Variants in SPTBN5 observed in about 807,000 individuals in gnomAD.
The protein encoded by SPTBN5 is spectrin beta, non-erythrocytic 5.
A neutral mutation model predicts 477.6 loss-of-function variants in SPTBN5; 513 were observed. The observed-to-expected ratio is 1.07, with a 90% CI of 1.00 to 1.16. The LOEUF (loss-of-function observed/expected upper bound fraction) is 1.16, where lower values mean the gene tolerates loss of function less well. SPTBN5 is among the 50% of genes most tolerant of loss of function. The pLI is 0.00. For synonymous variants in SPTBN5, 2,169 were observed against 2,011.7 expected, an observed-to-expected ratio of 1.08 and a Z score of -2.09; for missense variants, 5,062 against 4,731.8, an observed-to-expected ratio of 1.07 and a Z score of -2.05.
In SPTBN5 at chr15:41,861,935, C is replaced by T. The variant is rs1595458880; in HGVS notation, c.7549-12G>A. On this transcript the variant is annotated splice_polypyrimidine_tract_variant and intron_variant, in intron 44 of 67. Coordinates refer to ENST00000320955, the MANE Select transcript of SPTBN5 (RefSeq NM_016642.4). Reference sequence around the variant, plus strand: ...GAGTCCAGCTCGGCCTGGAACAGGACTGGGCTCAGATCACTGGGGGCTGGA... The same window carrying T: ...GAGTCCAGCTCGGCCTGGAACAGGATTGGGCTCAGATCACTGGGGGCTGGA... 2 of 1,594,194 alleles carry T rather than the reference C, an allele frequency of 1.3e-6. No individual in the cohort carries two copies. Among genetic ancestry groups the T allele is most frequent in the African/African-American group, 2.7e-5 (2 of 74,630 alleles).
Position 41,857,043 on chromosome 15 carries a change from C to A in SPTBN5, c.8622-4G>T. ...GGGCTCCCTCAGGCTCTTGAACCTG[C>A]AGCGGTGGAGGGTGGGACCAAGGGA... On this transcript the variant is annotated splice_polypyrimidine_tract_variant and splice_region_variant and intron_variant, in intron 51 of 67. Transcript: ENST00000320955. The A allele has an allele frequency of 6.3e-7, 1 of 1,599,108 alleles. No individual in the cohort carries two copies. Among genetic ancestry groups the A allele is most frequent in the South Asian group, 1.1e-5 (1 of 88,624 alleles).
Position 41,866,189 on chromosome 15 carries a change from C to T in SPTBN5, c.6671G>A (p.Gly2224Glu), listed in dbSNP as rs1310579147. The change falls in exon 38 of 68, where the codon GGA becomes GAA. Residue 2224 changes from glycine (G) to glutamate (E), a missense_variant. Physicochemically the swap from Gly to Glu is moderately conservative, Grantham distance 98. Coordinates refer to ENST00000320955, the MANE Select transcript of SPTBN5 (RefSeq NM_016642.4). ...ALLAQSHPRAGEVSQRLQGLR... is the reference protein window; with the variant it reads ...ALLAQSHPRAEEVSQRLQGLR... ...GCCCTGCAGCCGCTGGGAGACCTCT[C>T]CGGCTCGAGGGTGACTCTGTGCCAG... The T allele has an allele frequency of 8.2e-6, 13 of 1,579,314 alleles. No individual in the cohort carries two copies. Among genetic ancestry groups the T allele is most frequent in the Non-Finnish European group, 1.1e-5 (13 of 1,164,676 alleles).
rs2066771707 is a variant in SPTBN5, at chr15:41,877,244, C to T, written c.3583G>A (p.Val1195Ile). 1 of 1,613,896 alleles carries T rather than the reference C, an allele frequency of 6.2e-7. No individual in the cohort carries two copies. The highest frequency in any genetic ancestry group is 1.7e-5 in the Admixed American group (1 of 60,004). Residue 1195 changes from valine (V) to isoleucine (I), a missense_variant, in exon 18 of 68, where the codon GTT (valine) becomes ATT (isoleucine). Transcript: ENST00000320955. ...VLGQQGQELK[V>I]LWEQRQQWLQ... ...CACTGCTGCCTCTGCTCCCACAAAA[C>T]CTTCAGCTCCTGGCCCTGCTGCCCC...
At chr15:41,889,194 C>T (rs963412814) in intron 4 of SPTBN5, among the ~76,000 whole-genome samples, 5 of 152,160 alleles carry the variant, frequency 3.3e-5, no homozygotes, top group Admixed American at 6.5e-5. Flanking sequence ...GAAATTCATC[C>T]GTCCCTTCAG....
At chr15:41,879,972 G>A (rs1353711862) in intron 14 of SPTBN5, 108 bp from the exon 15 acceptor site, 2 of 1,481,752 alleles carry the variant, frequency 1.3e-6, no homozygotes, top group Non-Finnish European at 1.8e-6. Context: ...GGATGCTCAT[G>A]CTGCCTGCCC....
At position 41,856,933 on chromosome 15, in the gene SPTBN5, G is replaced by T; in HGVS notation, c.8728C>A (p.Gln2910Lys). 1 of 1,571,024 alleles carries T rather than the reference G, an allele frequency of 6.4e-7. No homozygotes were observed. The highest frequency in any genetic ancestry group is 8.6e-7 in the Non-Finnish European group (1 of 1,158,802). Reference sequence around the variant, plus strand: ...GCAGCGGCCAGAGGCAGCTTCTCCTGCACCCAGGCCATTTCCTCGTCGGCG... The same window carrying T: ...GCAGCGGCCAGAGGCAGCTTCTCCTTCACCCAGGCCATTTCCTCGTCGGCG... ...RDADEEMAWVQEKLPLAAAQD... is the reference protein window; with the variant it reads ...RDADEEMAWVKEKLPLAAAQD... The change falls in exon 52 of 68, where the codon CAG becomes AAG. Residue 2910 changes from glutamine (Q) to lysine (K), a missense_variant. By Grantham distance (53) the Gln-to-Lys change is moderately conservative. Transcript: ENST00000320955.
intron 51 of SPTBN5, 76 bp from the exon 52 acceptor site, chr15:41,857,115 C>G: frequency 6.6e-7 from 1 of 1,522,916 alleles, no homozygotes. Context: ...TGACACAGAT[C>G]ACCCAGCTGT....
At position 41,874,980 on chromosome 15, in the gene SPTBN5, T is replaced by C. The variant is rs1185912096; in HGVS notation, c.4364A>G (p.Gln1455Arg). The C allele has an allele frequency of 6.2e-7, 1 of 1,613,588 alleles. No homozygotes were observed. The highest frequency in any genetic ancestry group is 1.3e-5 in the African/African-American group (1 of 74,938). ...SETGQDLRSS[Q>R]RLQKRHQQLE... ...CTGTTGGTGCCGTTTCTGCAGCCTC[T>C]GGCTGGAGCGCAGGTCCTGCCCTGT... is the stretch of plus-strand genomic sequence containing the variant. Residue 1455 changes from glutamine to arginine, a missense_variant, in exon 23 of 68, where the codon CAG becomes CGG. Transcript: ENST00000320955.
chr15:41,862,835 G>C lies in SPTBN5; in HGVS notation c.7218C>G (p.His2406Gln). Residue 2406 changes from histidine to glutamine, a missense_variant, in exon 42 of 68, where the codon CAC becomes CAG. Coordinates refer to ENST00000320955, the MANE Select transcript of SPTBN5 (RefSeq NM_016642.4). Reference sequence around the variant, plus strand: ...GGTGCACTTCCCGCTCCAGCTCCTCGTGTTTCCGCAGCAGCCTCTGCACGC... The same window carrying C: ...GGTGCACTTCCCGCTCCAGCTCCTCCTGTTTCCGCAGCAGCCTCTGCACGC... Reference protein sequence around the residue: ...LESVQRLLRKHEELEREVHPI... With the variant: ...LESVQRLLRKQEELEREVHPI... 3.8e-6 allele frequency: 6 copies of C among 1,589,240 alleles called. No individual in the cohort carries two copies. Among genetic ancestry groups the C allele is most frequent in the Non-Finnish European group, 5.1e-6 (6 of 1,168,828 alleles).
At chr15:41,874,068 G>A (rs766770048) in intron 24 of SPTBN5, 23 bp from the exon 25 acceptor site, 1 of 1,569,550 alleles carries the variant, frequency 6.4e-7, no homozygotes, top group Admixed American at 1.8e-5. Flanking sequence ...GGCTTGAGAG[G>A]CTGCTGCTCT....
rs774573776 is a variant in SPTBN5, at chr15:41,882,125, C to T, written c.2268G>A (p.Glu756=). The T allele has an allele frequency of 1.3e-6, 2 of 1,573,470 alleles. No homozygotes were observed. Among genetic ancestry groups the T allele is most frequent in the African/African-American group, 1.4e-5 (1 of 72,214 alleles). The change falls in exon 12 of 68, where the codon GAG becomes GAA. Residue 756 remains glutamate (E), a synonymous_variant. Transcript: ENST00000320955. The part of the protein sequence containing the change: ...LVLQYFADAA[E]AASWLRERRS... The stretch of plus-strand genomic sequence containing the variant: ...GCCGCTCGCGCAGCCACGAAGCCGC[C>T]TCCGCCGCGTCCGCGAAGTACTGTG...
chr15:41,853,471 T>G (rs2065839654), intron 58 of SPTBN5, 24 bp from the exon 59 acceptor site: 1 of 1,550,768 alleles, frequency 6.4e-7, no homozygotes, highest in Admixed American at 1.8e-5. Context: ...AAGGGAGCTG[T>G]TGTCAGGGCT....
In SPTBN5 at chr15:41,870,311, A is replaced by C; in HGVS notation, c.5605T>G (p.Cys1869Gly). 1 of 1,562,858 alleles carries C rather than the reference A, an allele frequency of 6.4e-7. No homozygotes were observed. Among genetic ancestry groups the C allele is most frequent in the Non-Finnish European group, 8.7e-7 (1 of 1,153,762 alleles). Residue 1869 changes from cysteine (C) to glycine (G), a missense_variant, in exon 31 of 68, where the codon TGT (cysteine) becomes GGT (glycine). Transcript: ENST00000320955. ...SLPNNVARDL[C>G]GLEAQLRSHQ... ...CTTCTCAGCTGCGCCTCCAGCCCAC[A>C]CAGGTCCCGTGCCACATTGTTGGGG...
chr15:41,851,743 G>T, intron 63 of SPTBN5, 36 bp downstream of exon 63: 1 of 1,539,058 alleles, frequency 6.5e-7, no homozygotes, highest in South Asian at 1.1e-5. Flanking sequence ...GCTGCAAGTG[G>T]GGAGCTGCCT....
chr15:41,849,496 T>G (rs1432597255), intron 67 of SPTBN5, among the ~76,000 whole-genome samples: 1 of 151,868 alleles, frequency 6.6e-6, no homozygotes, highest in Non-Finnish European at 1.5e-5. Context: ...GGGAGGAAAG[T>G]GAGGAGTGCA....
At chr15:41,854,625 C>A (rs1222678223) in intron 56 of SPTBN5, among the ~76,000 whole-genome samples, 157 bp downstream of exon 56, 2 of 152,120 alleles carry the variant, frequency 1.3e-5, no homozygotes, top group Non-Finnish European at 2.9e-5. Context: ...CAGCCAATTC[C>A]TGGAAGAAAG....
chr15:41,884,177 G>A (rs998370350), intron 7 of SPTBN5, among the ~76,000 whole-genome samples: 7 of 152,160 alleles, frequency 4.6e-5, no homozygotes, highest in Middle Eastern at 3.4e-3. Flanking sequence ...TAGTAGAGAC[G>A]GGGTTTCACT....
In SPTBN5 at chr15:41,888,082, C is replaced by G; in HGVS notation, c.505G>C (p.Glu169Gln). 1 of 1,568,124 alleles carries G rather than the reference C, an allele frequency of 6.4e-7. No homozygotes were observed. Among genetic ancestry groups the G allele is most frequent in the Non-Finnish European group, 8.6e-7 (1 of 1,157,468 alleles). Residue 169 changes from glutamate to glutamine, a missense_variant, in exon 5 of 68, where the codon GAG becomes CAG. By Grantham distance (29) the Glu-to-Gln change is conservative. Transcript: ENST00000320955. ...QISHISLDKE[E>Q]FGASAALLST... ...AGCAGGGCTGCGCTGGCCCCAAACT[C>G]CTCCTGGCGGGACAGGGCAGCAGGG... is the stretch of plus-strand genomic sequence containing the variant.
rs1242486778 is a variant in SPTBN5, at chr15:41,861,729, G to A, written c.7737+6C>T. On this transcript the variant is annotated splice_donor_region_variant and intron_variant, in intron 45 of 67. Coordinates refer to ENST00000320955, the MANE Select transcript of SPTBN5 (RefSeq NM_016642.4). The stretch of plus-strand genomic sequence containing the variant: ...AGATGCAGGCTGGGGATGGGACTGT[G>A]CCTGCCTGTAGCTCCAGGGCCTGCT... 2 of 1,539,776 alleles carry A rather than the reference G, an allele frequency of 1.3e-6. No individual in the cohort carries two copies. The highest frequency in any genetic ancestry group is 2.0e-5 in the Admixed American group (1 of 50,760).
Sources: gnomAD v4.1 joint callset for allele counts (sites outside exome capture counted in the v4.1 genomes callset) on GRCh38, gnomAD v4.1.1 for gene constraint, MANE v1.5 for transcripts, NCBI Gene and HGNC (gene_info 2026-07-23, HGNC 2026-07-21) for gene names.